The following PCDHA2 variants were observed in gnomAD, a reference collection of about 807,000 sequenced individuals.
PCDHA2 encodes protocadherin alpha-2.
In PCDHA2, 58 loss-of-function variants were observed where a neutral mutation model predicts 66.0. The ratio of observed to expected loss-of-function variants is 0.88; its 90% CI spans 0.71 to 1.09. The LOEUF is 1.09. PCDHA2 is among the 50% of genes least tolerant of loss of function. The pLI, the probability that PCDHA2 is intolerant of heterozygous loss-of-function variation, is 0.00. For synonymous variants in PCDHA2, 634 were observed against 554.0 expected (o/e 1.14, Z -2.03); for missense variants, 1,267 against 1,242.3 (o/e 1.02, Z -0.30).
chr5:140,870,198 C>A, intron 1 of PCDHA2: 2 of 1,614,172 alleles, frequency 1.2e-6, no homozygotes, highest in Non-Finnish European at 1.7e-6. Flanking sequence ...CTCAGCCCAG[C>A]ACGGTCATTG....
At chr5:140,920,323 T>C (rs1448405138) in intron 1 of PCDHA2, among the ~76,000 whole-genome samples, 3 of 152,212 alleles carry the variant, frequency 2.0e-5, no homozygotes, top group Non-Finnish European at 4.4e-5. Context: ...AAATTATATA[T>C]TTATGGCATT....
chr5:140,856,177 C>T (rs200004763), intron 1 of PCDHA2: 1 of 1,598,248 alleles, frequency 6.3e-7, no homozygotes, highest in Non-Finnish European at 8.6e-7. Context: ...ACGGCACCTT[C>T]GTGGGCCGCA....
At chr5:140,802,886 G>C (rs141385563) in intron 1 of PCDHA2, 1 of 1,613,630 alleles carries the variant, frequency 6.2e-7, no homozygotes. Context: ...ACAACGCGCC[G>C]GCACTGCTGA....
At chr5:140,824,289 C>A in intron 1 of PCDHA2, 1 of 983,136 alleles carries the variant, frequency 1.0e-6, no homozygotes, top group African/African-American at 1.6e-5. Flanking sequence ...TTTTATGAGG[C>A]TTTTCTGCTG....
intron 1 of PCDHA2, chr5:140,862,685 C>A (rs782248340): frequency 7.2e-6 from 4 of 552,774 alleles, no homozygotes; most frequent in Non-Finnish European, 1.4e-5. Context: ...GTGCTGGTGT[C>A]CTACTCGTTG....
At chr5:140,929,050 C>T (rs946542782) in intron 1 of PCDHA2, 11 of 1,614,026 alleles carry the variant, frequency 6.8e-6, no homozygotes, top group African/African-American at 5.3e-5. Flanking sequence ...GAGCTGCTGT[C>T]GCTCTACAGA....
intron 1 of PCDHA2, among the ~76,000 whole-genome samples, chr5:140,977,466 T>A (rs1554238584): frequency 2.0e-5 from 3 of 152,246 alleles, no homozygotes; most frequent in African/African-American, 4.8e-5. Context: ...ATTTGGTCTG[T>A]AGATAATTTT....
intron 1 of PCDHA2, chr5:140,870,868 G>C (rs550915753): frequency 1.2e-6 from 2 of 1,613,944 alleles, no homozygotes; most frequent in Non-Finnish European, 1.7e-6. Context: ...TGCGGGCCAC[G>C]TGGTGGCGAA....
intron 1 of PCDHA2, chr5:140,928,289 G>C (rs1554205708): frequency 6.2e-7 from 1 of 1,614,170 alleles, no homozygotes; most frequent in Non-Finnish European, 8.5e-7. Flanking sequence ...TCTCTAGGCC[G>C]AGTGTTTGCC....
chr5:140,800,085 T>G (rs1177642301), intron 1 of PCDHA2, among the ~76,000 whole-genome samples: 8 of 152,152 alleles, frequency 5.3e-5, no homozygotes, highest in Non-Finnish European at 8.8e-5. Context: ...AATCTAGAAA[T>G]TCATCAGGAG....
At chr5:140,920,516 A>G (rs2079670610) in intron 1 of PCDHA2, among the ~76,000 whole-genome samples, 1 of 152,156 alleles carries the variant, frequency 6.6e-6, no homozygotes, top group African/African-American at 2.4e-5. Flanking sequence ...GTTTTATGCA[A>G]TTCGTTAGAC....
At chr5:140,835,989 AGCGCGCGCGATGCG>A (rs2150249668) in intron 1 of PCDHA2, 4 of 1,613,288 alleles carry the variant, frequency 2.5e-6, no homozygotes. Context: ...GTTCCAGGTG[AGCGCGCGCGATGCG>A]GGCGTGCCGC....
chr5:140,828,863 G>T, intron 1 of PCDHA2: 1 of 1,614,202 alleles, frequency 6.2e-7, no homozygotes, highest in Non-Finnish European at 8.5e-7. Flanking sequence ...TGCAGACAAC[G>T]GAACAACAGT....
rs139627437 is a variant in PCDHA2 at position 140,801,636 on chromosome 5, C to T, written c.2388+4284C>T. 4 of 1,614,120 alleles carry T rather than the reference C, an allele frequency of 2.5e-6. No homozygotes were observed. In the Admixed American group the frequency reaches 6.7e-5, roughly 27 times the overall value. On this transcript the variant is annotated intron_variant, in intron 1 of 3. Transcript: ENST00000526136. ...GAATCTGTTTATTTCCGAATCCCGA[C>T]AGCCTGGCTCTCGGTTTTCGCTAGA...
At chr5:140,912,220 C>T (rs1360868463) in intron 1 of PCDHA2, among the ~76,000 whole-genome samples, 1 of 151,800 alleles carries the variant, frequency 6.6e-6, no homozygotes, top group African/African-American at 2.4e-5. Flanking sequence ...ATCTGCCTTT[C>T]CCAGTCCACT....
intron 1 of PCDHA2, chr5:140,877,564 G>A (rs782415331): frequency 1.2e-5 from 20 of 1,613,652 alleles, no homozygotes; most frequent in Middle Eastern, 3.3e-4. Context: ...GGATATTAAC[G>A]TGTACCTCAT....
In PCDHA2 at chr5:140,843,430, CATCTGCGCGGT is replaced by C. The variant is rs1778874946; in HGVS notation, c.2388+46082_2388+46092del. The C allele has an allele frequency of 1.6e-5, 26 of 1,596,170 alleles. 2 individuals carry two copies. Among genetic ancestry groups the C allele is most frequent in the Non-Finnish European group, 2.1e-5 (24 of 1,165,672 alleles). On this transcript the variant is annotated intron_variant, in intron 1 of 3. Coordinates refer to ENST00000526136, the MANE Select transcript of PCDHA2 (RefSeq NM_018905.3). ...ATGTCAACGTGTACCTGATCATCGC[CATCTGCGCGGT>C]ATCCAGCCTGCTGGTGCTCACGCTG...
chr5:140,808,804 T>G, intron 1 of PCDHA2: 1 of 1,612,690 alleles, frequency 6.2e-7, no homozygotes, highest in African/African-American at 1.3e-5. Context: ...CCGCTCGCGA[T>G]GCCGGCGTGC....
chr5:140,808,938 C>T (rs782653809), intron 1 of PCDHA2: 4 of 1,613,692 alleles, frequency 2.5e-6, no homozygotes, highest in African/African-American at 1.3e-5. Flanking sequence ...GTGCCATGGT[C>T]GGTGGGTGTG....
Sources: gnomAD v4.1 joint callset for allele counts (sites outside exome capture counted in the v4.1 genomes callset) on GRCh38, gnomAD v4.1.1 for gene constraint, MANE v1.5 for transcripts, NCBI Gene and HGNC (gene_info 2026-07-23, HGNC 2026-07-21) for gene names.